Variants in MCTP2 observed in about 807,000 individuals in gnomAD.
MCTP2 encodes the protein multiple C2 and transmembrane domain containing 2.
Under a neutral mutation model 111.6 loss-of-function variants are expected in MCTP2, and 132 were observed. The observed-to-expected ratio is 1.18, with a 90% confidence interval of 1.03 to 1.37. The LOEUF is 1.37. Ranked by LOEUF, MCTP2 falls within the 40% of genes most tolerant of loss-of-function variation. The pLI is 0.00. For missense variants in MCTP2, 1,183 were observed against 1,067.9 expected (o/e 1.11, Z -1.50); for synonymous variants, 395 against 387.7 (o/e 1.02, Z -0.22).
At chr15:94,412,020 G>T (rs1022423139) in intron 17 of MCTP2, among the ~76,000 whole-genome samples, 1 of 152,182 alleles carries the variant, frequency 6.6e-6, no homozygotes, top group African/African-American at 2.4e-5. Context: ...CCCCATTGGT[G>T]TTAGGCAAGA....
At chr15:94,451,433 C>G (rs558565289) in intron 19 of MCTP2, among the ~76,000 whole-genome samples, 2 of 152,124 alleles carry the variant, frequency 1.3e-5, no homozygotes, top group South Asian at 4.1e-4. Flanking sequence ...ACATTTGTAA[C>G]GAGAAGTGAT....
intron 19 of MCTP2, among the ~76,000 whole-genome samples, chr15:94,456,647 G>T (rs1261075060): frequency 6.6e-6 from 1 of 152,196 alleles, no homozygotes; most frequent in Non-Finnish European, 1.5e-5. Context: ...TTCAAATTAG[G>T]ATAAAAAAGT....
chr15:94,231,401 ACCCGGCCGAGCT>A (rs1416434891), upstream of MCTP2: 1 of 152,228 alleles, frequency 6.6e-6, no homozygotes, highest in Admixed American at 6.5e-5. Flanking sequence ...TCCTTGCAAC[ACCCGGCCGAGCT>A]CCCGGCGGCA....
intron 2 of MCTP2, among the ~76,000 whole-genome samples, chr15:94,313,520 G>A (rs981177652): frequency 6.6e-6 from 1 of 152,026 alleles, no homozygotes; most frequent in African/African-American, 2.4e-5. Flanking sequence ...GGCCAATATG[G>A]TGAAACCCTA....
intron 1 of MCTP2, among the ~76,000 whole-genome samples, chr15:94,236,740 G>T (rs2070595659): frequency 6.6e-6 from 1 of 152,092 alleles, no homozygotes; most frequent in African/African-American, 2.4e-5. Flanking sequence ...CCCATGGACC[G>T]GAATAGAAGT....
chr15:94,253,968 C>G (rs1337184247), intron 1 of MCTP2, among the ~76,000 whole-genome samples: 1 of 152,114 alleles, frequency 6.6e-6, no homozygotes, highest in Non-Finnish European at 1.5e-5. Flanking sequence ...CTTTCAATGA[C>G]TCTAATTTCA....
chr15:94,422,770 C>T (rs928418126), intron 17 of MCTP2, among the ~76,000 whole-genome samples: 3 of 152,198 alleles, frequency 2.0e-5, no homozygotes, highest in African/African-American at 4.8e-5. Context: ...TTTACCATCT[C>T]CAAGCATGTG....
intron 10 of MCTP2, among the ~76,000 whole-genome samples, chr15:94,364,785 A>G (rs1365170247): frequency 6.6e-6 from 1 of 152,212 alleles, no homozygotes; most frequent in African/African-American, 2.4e-5. Flanking sequence ...GGGGTTAATG[A>G]AAATAATTCT....
chr15:94,298,856 C>T (rs1415731990), intron 2 of MCTP2, 126 bp downstream of exon 2: 6 of 414,218 alleles, frequency 1.4e-5, no homozygotes, highest in Non-Finnish European at 2.4e-5. Context: ...TCCCCCCTCC[C>T]CCTCCCTCTC....
intron 10 of MCTP2, among the ~76,000 whole-genome samples, chr15:94,363,932 T>C (rs934851183): frequency 6.6e-6 from 1 of 152,152 alleles, no homozygotes; most frequent in Non-Finnish European, 1.5e-5. Flanking sequence ...GTGTGTGTTT[T>C]CCATATTGTT....
At chr15:94,244,207 TAC>T (rs1567257508) in intron 1 of MCTP2, among the ~76,000 whole-genome samples, 1 of 143,080 alleles carries the variant, frequency 7.0e-6, no homozygotes, top group South Asian at 2.1e-4. Flanking sequence ...TACACGTGTA[TAC>T]ACATACATAT....
intron 11 of MCTP2, among the ~76,000 whole-genome samples, chr15:94,368,669 A>G (rs1412591260): frequency 1.3e-5 from 2 of 152,206 alleles, no homozygotes; most frequent in African/African-American, 4.8e-5. Context: ...TGCGCATGTG[A>G]GGCTGGCATA....
chr15:94,317,826 G>A (rs1273656651), intron 4 of MCTP2, among the ~76,000 whole-genome samples: 1 of 151,888 alleles, frequency 6.6e-6, no homozygotes, highest in Non-Finnish European at 1.5e-5. Flanking sequence ...TGTTTTCTCA[G>A]ATGTAGCATT....
intron 19 of MCTP2, among the ~76,000 whole-genome samples, chr15:94,456,202 A>G (rs2084824939): frequency 6.6e-6 from 1 of 152,194 alleles, no homozygotes; most frequent in Non-Finnish European, 1.5e-5. Flanking sequence ...TAGTCTTTGG[A>G]TATTTAATAC....
chr15:94,428,456 A>G (rs572105845), intron 17 of MCTP2, among the ~76,000 whole-genome samples: 1 of 152,080 alleles, frequency 6.6e-6, no homozygotes. Context: ...CAGTTCTACT[A>G]TGACAGTTTT....
At chr15:94,380,430 A>G (rs2080068523) in intron 12 of MCTP2, among the ~76,000 whole-genome samples, 1 of 152,176 alleles carries the variant, frequency 6.6e-6, no homozygotes, top group Non-Finnish European at 1.5e-5. Context: ...TTTCAGGGTC[A>G]GTTTAGTGCT....
chr15:94,298,660 G>A lies in MCTP2; in HGVS notation c.395G>A (p.Arg132Gln), dbSNP rs199860245. 5.0e-5 allele frequency: 81 copies of A among 1,613,800 alleles called. No homozygotes were observed. The East Asian group carries it at 8.7e-4, about 17-fold the overall frequency. Residue 132 changes from arginine (R) to glutamine (Q), a missense_variant, in exon 2 of 23, where the codon CGG (arginine) becomes CAG (glutamine). By Grantham distance (43) the Arg-to-Gln change is conservative. Transcript: ENST00000357742. ...TATGCCTCTCCTGCTGAGCGGAGAC[G>A]GGTGTCCAGCAACGGCATCTTTGAT... ...EAYASPAERR[R>Q]VSSNGIFDLQ... is the part of the protein sequence containing the mutation.
intron 17 of MCTP2, among the ~76,000 whole-genome samples, chr15:94,428,961 G>A (rs1319235020): frequency 6.6e-6 from 1 of 151,998 alleles, no homozygotes; most frequent in African/African-American, 2.4e-5. Context: ...CCTGACAATT[G>A]TATTACACTT....
At chr15:94,394,451 A>T (rs1279451097) in intron 14 of MCTP2, among the ~76,000 whole-genome samples, 5 of 152,026 alleles carry the variant, frequency 3.3e-5, no homozygotes. Flanking sequence ...ACTTCATATG[A>T]GTGTTTGTTT....
Sources: allele counts gnomAD v4.1 joint callset (sites outside exome capture counted in the v4.1 genomes callset), GRCh38; gene constraint gnomAD v4.1.1; transcripts MANE v1.5; gene names NCBI Gene and HGNC (gene_info 2026-07-23, HGNC 2026-07-21).